Variants in PAK2 observed in about 807,000 individuals in gnomAD.
PAK2 encodes the protein serine/threonine-protein kinase PAK 2.
PAK2 carries 21 observed loss-of-function variants against 65.9 expected under a neutral mutation model. The ratio of observed to expected loss-of-function variants is 0.32; its 90% CI spans 0.23 to 0.46. The LOEUF (loss-of-function observed/expected upper bound fraction) is 0.46, where lower values mean the gene tolerates loss of function less well. Ranked by LOEUF, PAK2 falls within the 20% of genes least tolerant of loss-of-function variation. The pLI is 1.00. For synonymous variants in PAK2, 204 were observed against 219.7 expected (o/e 0.93, Z 0.63); for missense variants, 324 against 642.6 (o/e 0.50, Z 5.36).
chr3:196,812,317 G>T, intron 9 of PAK2, 50 bp downstream of exon 9: 1 of 1,067,510 alleles, frequency 9.4e-7, no homozygotes, highest in Non-Finnish European at 1.5e-6. Context: ...TGTCATATAG[G>T]TGGAAACTAG....
At chr3:196,804,806 G>GATATATATATATAT (rs371990910) in intron 4 of PAK2, among the ~76,000 whole-genome samples, 1 of 142,554 alleles carries the variant, frequency 7.0e-6, no homozygotes, top group African/African-American at 2.6e-5. Context: ...GTGTGTGTGT[G>GATATATATATATAT]ATATATATAT....
chr3:196,758,789 G>C (rs989948169), intron 1 of PAK2, among the ~76,000 whole-genome samples: 1 of 152,058 alleles, frequency 6.6e-6, no homozygotes, highest in Non-Finnish European at 1.5e-5. Flanking sequence ...CTGAGTAGCT[G>C]GGACAGCAGG....
chr3:196,746,598 G>A (rs1180147951), intron 1 of PAK2, among the ~76,000 whole-genome samples: 1 of 152,094 alleles, frequency 6.6e-6, no homozygotes, highest in African/African-American at 2.4e-5. Context: ...GATCAGCTGA[G>A]GTTTGGAGTT....
chr3:196,746,029 G>A (rs1437851088), intron 1 of PAK2, among the ~76,000 whole-genome samples: 6 of 147,890 alleles, frequency 4.1e-5, no homozygotes, highest in African/African-American at 1.0e-4. Flanking sequence ...GGGTTTCACC[G>A]TATTAGCCAG....
chr3:196,807,989 C>G (rs1234716825), intron 7 of PAK2, 75 bp downstream of exon 7: 26 of 1,431,426 alleles, frequency 1.8e-5, no homozygotes, highest in Non-Finnish European at 2.4e-5. Flanking sequence ...TGGATTTTAA[C>G]TTACACTTTA....
At position 196,795,405 on chromosome 3, in the gene PAK2, C is replaced by T. The variant is rs199714631; in HGVS notation, c.188-6522C>T. On this transcript the variant is annotated intron_variant, in intron 2 of 14. Coordinates refer to ENST00000327134, the MANE Select transcript of PAK2 (RefSeq NM_002577.4). Reference sequence around the variant, plus strand: ...ATTGCTTGAGCCCAGAGGTTGAGGCCGCAGTGAGCTGAGATCGCACCACTG... The same window carrying T: ...ATTGCTTGAGCCCAGAGGTTGAGGCTGCAGTGAGCTGAGATCGCACCACTG... Among the ~76,000 whole-genome samples, 14 of 152,058 alleles carry T rather than the reference C, an allele frequency of 9.2e-5. 1 individual carries two copies. The South Asian group carries it at 1.9e-3, about 20-fold the overall frequency.
chr3:196,765,301 C>G (rs1714127118), intron 1 of PAK2, among the ~76,000 whole-genome samples: 1 of 152,086 alleles, frequency 6.6e-6, no homozygotes, highest in African/African-American at 2.4e-5. Context: ...GCACACACCA[C>G]CATGCTCATC....
At chr3:196,802,348 C>G (rs1257151504) in intron 3 of PAK2, among the ~76,000 whole-genome samples, 1 of 152,136 alleles carries the variant, frequency 6.6e-6, no homozygotes, top group Non-Finnish European at 1.5e-5. Context: ...TTGCAGTGAA[C>G]AGAGACTGTG....
At chr3:196,763,655 A>G (rs1025926318) in intron 1 of PAK2, among the ~76,000 whole-genome samples, 2 of 152,190 alleles carry the variant, frequency 1.3e-5, no homozygotes, top group Non-Finnish European at 2.9e-5. Context: ...GTAGATTTTT[A>G]AATTGAAGAT....
chr3:196,799,094 T>C (rs1170321119), intron 2 of PAK2, among the ~76,000 whole-genome samples: 4 of 152,124 alleles, frequency 2.6e-5, no homozygotes, highest in African/African-American at 7.2e-5. Context: ...GGAATCCAGA[T>C]TGGAAAGAAG....
At chr3:196,807,956 G>C in intron 7 of PAK2, 42 bp downstream of exon 7, 1 of 1,566,150 alleles carries the variant, frequency 6.4e-7, no homozygotes, top group South Asian at 1.2e-5. Context: ...ATTGTTCACG[G>C]CTCTTAAAAC....
At chr3:196,740,595 A>C (rs951688768) in intron 1 of PAK2, among the ~76,000 whole-genome samples, 2 of 151,772 alleles carry the variant, frequency 1.3e-5, no homozygotes, top group Non-Finnish European at 2.9e-5. Flanking sequence ...CTCTCTGTTC[A>C]CCCGTTTCAC....
At chr3:196,802,147 C>G in intron 3 of PAK2, 120 bp downstream of exon 3, 1 of 633,922 alleles carries the variant, frequency 1.6e-6, no homozygotes, top group Non-Finnish European at 2.9e-6. Flanking sequence ...GCCTGTAATC[C>G]CAGCACTTTG....
intron 4 of PAK2, among the ~76,000 whole-genome samples, chr3:196,803,428 A>G (rs1172946269): frequency 1.3e-5 from 2 of 152,134 alleles, no homozygotes; most frequent in East Asian, 1.9e-4. Flanking sequence ...TTTTCTCCTC[A>G]TTGCTGTGTT....
intron 1 of PAK2, among the ~76,000 whole-genome samples, chr3:196,753,867 A>ATC (rs1713689009): frequency 1.3e-5 from 2 of 152,152 alleles, no homozygotes; most frequent in African/African-American, 4.8e-5. Context: ...GTTCCTTATG[A>ATC]TCTTTGTACT....
intron 2 of PAK2, among the ~76,000 whole-genome samples, chr3:196,794,026 G>C: frequency 6.6e-6 from 1 of 152,108 alleles, no homozygotes; most frequent in East Asian, 1.9e-4. Context: ...AGCTACTCAG[G>C]AGGCTGAGGC....
intron 11 of PAK2, among the ~76,000 whole-genome samples, chr3:196,815,385 G>A (rs1402277194): frequency 5.9e-5 from 9 of 151,426 alleles, no homozygotes; most frequent in South Asian, 4.2e-4. Flanking sequence ...CCAGCTACTC[G>A]CGAGGCTGAG....
chr3:196,747,620 A>G lies in PAK2; in HGVS notation c.-22+7463A>G, dbSNP rs549158520. ...CATAATCCATTTTGGAAAATGTTCT[A>G]TGAAAACTTAGAACATTTTCTGTTG... On this transcript the variant is annotated intron_variant, in intron 1 of 14. Coordinates refer to ENST00000327134, the MANE Select transcript of PAK2 (RefSeq NM_002577.4). Among the ~76,000 whole-genome samples, 66 of 152,316 alleles carry G rather than the reference A, an allele frequency of 4.3e-4. 2 individuals are homozygous for G. The South Asian group carries it at 0.012, about 27-fold the overall frequency.
intron 1 of PAK2, among the ~76,000 whole-genome samples, chr3:196,754,039 A>G (rs1261704101): frequency 6.6e-6 from 1 of 151,542 alleles, no homozygotes; most frequent in Non-Finnish European, 1.5e-5. Context: ...CACTCGTTTG[A>G]TTTTTCTTTT....
Sources: allele counts gnomAD v4.1 joint callset (sites outside exome capture counted in the v4.1 genomes callset), GRCh38; gene constraint gnomAD v4.1.1; transcripts MANE v1.5; gene names NCBI Gene and HGNC (gene_info 2026-07-23, HGNC 2026-07-21).